ATP10A: variants seen among roughly 807,000 people sequenced by gnomAD.
The protein encoded by ATP10A is phospholipid-transporting ATPase VA.
A neutral mutation model predicts 147.8 loss-of-function variants in ATP10A; 111 were observed. The ratio of observed to expected loss-of-function variants is 0.75; its 90% CI spans 0.64 to 0.88. ATP10A has a LOEUF of 0.88. Ranked by LOEUF, ATP10A falls within the 40% of genes least tolerant of loss-of-function variation. The pLI is 0.00. For synonymous variants in ATP10A, 875 were observed against 841.6 expected (o/e 1.04, Z -0.69); for missense variants, 1,927 against 1,959.0 (o/e 0.98, Z 0.31).
chr15:25,845,322 TTG>T (rs746244130), intron 1 of ATP10A, among the ~76,000 whole-genome samples: 11,522 of 141,368 alleles, frequency 0.082, 785 homozygotes, highest in African/African-American at 0.19. Flanking sequence ...GTTTGTGTGT[TTG>T]TGTGTGTGTG....
rs1335778543 is a variant in ATP10A at position 25,757,872 on chromosome 15, CCACCTGCTCCACCCTAACTCATTCCTAT to C, written c.655-21759_655-21732del. Among the ~76,000 whole-genome samples the C allele has an allele frequency of 8.6e-3, 823 of 95,290 alleles. 62 individuals carry two copies. Among genetic ancestry groups the C allele is most frequent in the African/African-American group, 0.012 (286 of 24,442 alleles). The allele number at this position is 95,290 out of a possible 152,430, so 62.5% of individuals were successfully genotyped here. On this transcript the variant is annotated intron_variant, in intron 2 of 20. Coordinates refer to ENST00000555815, the MANE Select transcript of ATP10A (RefSeq NM_024490.4). Reference sequence around the variant, plus strand: ...CCTGCTCCACCCTAACTCATTCCGACCACCTGCTCCACCCTAACTCATTCCTATCACCTGCTCCACCCTAACTCATTCC... The same window carrying C: ...CCTGCTCCACCCTAACTCATTCCGACCACCTGCTCCACCCTAACTCATTCC...
Position 25,755,022 on chromosome 15 carries a change from T to C in ATP10A, c.655-18881A>G, listed in dbSNP as rs367778156. Among the ~76,000 whole-genome samples, 4 of 152,182 alleles carry C rather than the reference T, an allele frequency of 2.6e-5. No individual in the cohort carries two copies. In the East Asian group the frequency reaches 7.7e-4, roughly 29 times the overall value. Reference sequence around the variant, plus strand: ...AGATATTCCCCATACCCTATCCCACTTTGTCTGAATATTCATGATCTACTC... The same window carrying C: ...AGATATTCCCCATACCCTATCCCACCTTGTCTGAATATTCATGATCTACTC... On this transcript the variant is annotated intron_variant, in intron 2 of 20. Coordinates refer to ENST00000555815, the MANE Select transcript of ATP10A (RefSeq NM_024490.4).
chr15:25,726,837 A>G lies in ATP10A; in HGVS notation c.847+323T>C, dbSNP rs112323351. Among the ~76,000 whole-genome samples, 287 of 151,258 alleles carry G rather than the reference A, an allele frequency of 1.9e-3. 1 individual carries two copies. Among genetic ancestry groups the G allele is most frequent in the African/African-American group, 6.4e-3 (264 of 41,334 alleles). Reference sequence around the variant, plus strand: ...GAGGCCAAGGCGGGCGGATCACGAGATCAGGAGATTGAGACTATCCTGGCT... The same window carrying G: ...GAGGCCAAGGCGGGCGGATCACGAGGTCAGGAGATTGAGACTATCCTGGCT... On this transcript the variant is annotated intron_variant, in intron 4 of 20. Coordinates refer to ENST00000555815, the MANE Select transcript of ATP10A (RefSeq NM_024490.4).
At chr15:25,837,794 C>G (rs1892656533) in intron 1 of ATP10A, among the ~76,000 whole-genome samples, 1 of 152,198 alleles carries the variant, frequency 6.6e-6, no homozygotes, top group Non-Finnish European at 1.5e-5. Flanking sequence ...GGGGAAGGCT[C>G]TGGGCTAACG....
intron 8 of ATP10A, 151 bp downstream of exon 8, chr15:25,718,031 T>C (rs1464928890): frequency 1.0e-5 from 8 of 762,400 alleles, no homozygotes; most frequent in Admixed American, 2.7e-5. Context: ...GGAGAGAAAG[T>C]GTTGGCCAGA....
At chr15:25,807,527 G>A (rs913725715) in intron 1 of ATP10A, among the ~76,000 whole-genome samples, 1 of 152,240 alleles carries the variant, frequency 6.6e-6, no homozygotes, top group African/African-American at 2.4e-5. Context: ...ATGGGGCTGG[G>A]TGTGGTGGCT....
rs139955983 is a variant in ATP10A, at chr15:25,698,230, C to T, written c.2761-3084G>A. Among the ~76,000 whole-genome samples the T allele has an allele frequency of 6.2e-3, 945 of 152,228 alleles. 6 individuals are homozygous for T. Among genetic ancestry groups the T allele is most frequent in the African/African-American group, 0.021 (878 of 41,538 alleles). On this transcript the variant is annotated intron_variant, in intron 13 of 20. Coordinates refer to ENST00000555815, the MANE Select transcript of ATP10A (RefSeq NM_024490.4). ...ATCAGTAACAATAAATTATGTATGGCATACATGAGAAATAAGTCTGTACTA... is the reference window on the plus strand; with the variant it reads ...ATCAGTAACAATAAATTATGTATGGTATACATGAGAAATAAGTCTGTACTA...
rs536937554 is a variant in ATP10A at position 25,725,909 on chromosome 15, C to T, written c.979+42G>A. The stretch of plus-strand genomic sequence containing the variant: ...CTAGGATTACGGGCACGAGCCACTG[C>T]GCCTGGCCCCCACTCATTTCCGATC... On this transcript the variant is annotated intron_variant, in intron 5 of 20. Transcript: ENST00000555815. 5.9e-5 allele frequency: 93 copies of T among 1,574,562 alleles called. No homozygotes were observed. The South Asian group carries it at 9.0e-4, about 15-fold the overall frequency.
chr15:25,712,769 C>A (rs2140386896), intron 10 of ATP10A, among the ~76,000 whole-genome samples: 1 of 152,264 alleles, frequency 6.6e-6, no homozygotes, highest in East Asian at 1.9e-4. Context: ...CTCTCAGAGA[C>A]ACATTTGCAG....
At chr15:25,683,611 C>A (rs1899549411) in intron 16 of ATP10A, 125 bp from the exon 17 acceptor site, 1 of 933,818 alleles carries the variant, frequency 1.1e-6, no homozygotes, top group African/African-American at 1.7e-5. Flanking sequence ...GCAGCGATTT[C>A]TGCCAAAGAC....
chr15:25,770,820 A>G lies in ATP10A; in HGVS notation c.654+10199T>C, dbSNP rs942351373. Among the ~76,000 whole-genome samples the G allele has an allele frequency of 3.9e-4, 60 of 152,126 alleles. 4 individuals are homozygous for G. Among genetic ancestry groups the G allele is most frequent in the Non-Finnish European group, 1.5e-5 (1 of 68,020 alleles). On this transcript the variant is annotated intron_variant, in intron 2 of 20. Transcript: ENST00000555815. ...AAGCCTGCCCTGAGGATGACTCTGC[A>G]TGGCAGATGTGCCTGAGTATGTGTG...
chr15:25,713,537 A>G, intron 10 of ATP10A, 137 bp downstream of exon 10: 1 of 940,666 alleles, frequency 1.1e-6, no homozygotes, highest in Non-Finnish European at 1.6e-6. Context: ...TGAAGAAACC[A>G]TGCAATTCTC....
intron 2 of ATP10A, among the ~76,000 whole-genome samples, chr15:25,737,094 C>T (rs1345224135): frequency 1.3e-5 from 2 of 152,156 alleles, no homozygotes; most frequent in Non-Finnish European, 2.9e-5. Context: ...TTAAAAGGGG[C>T]GTGTGCTAGA....
Position 25,781,228 on chromosome 15 carries a change from A to G in ATP10A, c.450-5T>C, listed in dbSNP as rs2076750. ...TTCACGTATTTCTTTTCTTCCCTAG[A>G]AAACAGATTTTGATTAACAAAACTC... On this transcript the variant is annotated splice_polypyrimidine_tract_variant and splice_region_variant and intron_variant, in intron 1 of 20. Transcript: ENST00000555815. 0.028 allele frequency: 44,836 copies of G among 1,609,206 alleles called. 764 individuals are homozygous for G. The highest frequency in any genetic ancestry group is 0.034 in the Non-Finnish European group (40,156 of 1,177,276).
rs748754444 is a variant in ATP10A, at chr15:25,718,240, C to T, written c.1523G>A (p.Arg508Gln). 2 of 1,613,040 alleles carry T rather than the reference C, an allele frequency of 1.2e-6. No individual in the cohort carries two copies. The highest frequency in any genetic ancestry group is 8.5e-7 in the Non-Finnish European group (1 of 1,180,008). ...CATGCTGGCCCTCTTGGCCTCGGCC[C>T]GGCTGCCCGTGCGCCGGTGGGACTT... ...STKSHRRTGSRAEAKRASMLS... is the reference protein window; with the variant it reads ...STKSHRRTGSQAEAKRASMLS... The change falls in exon 8 of 21, where the codon CGG becomes CAG. Residue 508 changes from arginine (R) to glutamine (Q), a missense_variant. By Grantham distance (43) the Arg-to-Gln change is conservative. Coordinates refer to ENST00000555815, the MANE Select transcript of ATP10A (RefSeq NM_024490.4).
At chr15:25,758,700 A>T (rs1348481228) in intron 2 of ATP10A, among the ~76,000 whole-genome samples, 1 of 69,214 alleles carries the variant, frequency 1.4e-5, no homozygotes, top group African/African-American at 6.8e-5. Context: ...GCTCCACCCT[A>T]ACTCATTCCG....
intron 12 of ATP10A, among the ~76,000 whole-genome samples, chr15:25,704,376 G>A (rs1567314695): frequency 6.6e-6 from 1 of 152,264 alleles, no homozygotes; most frequent in East Asian, 1.9e-4. Flanking sequence ...TTCTCTAAAT[G>A]GCAACTTCCT....
At chr15:25,741,943 C>T (rs1456241655) in intron 2 of ATP10A, among the ~76,000 whole-genome samples, 1 of 152,238 alleles carries the variant, frequency 6.6e-6, no homozygotes, top group East Asian at 1.9e-4. Context: ...GATAATTTCT[C>T]CAAGTTCCAC....
At chr15:25,765,281 A>G (rs538731908) in intron 2 of ATP10A, among the ~76,000 whole-genome samples, 1 of 152,154 alleles carries the variant, frequency 6.6e-6, no homozygotes, top group Non-Finnish European at 1.5e-5. Flanking sequence ...TCTATAGAAT[A>G]CCTGCCAATA....
Sources: allele counts gnomAD v4.1 joint callset (sites outside exome capture counted in the v4.1 genomes callset), GRCh38; gene constraint gnomAD v4.1.1; transcripts MANE v1.5; gene names NCBI Gene and HGNC (gene_info 2026-07-23, HGNC 2026-07-21).